The following FRMD5 variants were observed in gnomAD, a reference collection of about 807,000 sequenced individuals.
The protein encoded by FRMD5 is FERM domain containing 5, also known as FERM domain-containing protein 5.
Under a neutral mutation model 69.0 loss-of-function variants are expected in FRMD5, and 20 were observed. The ratio of observed to expected loss-of-function variants is 0.29; its 90% CI spans 0.20 to 0.42. The LOEUF (loss-of-function observed/expected upper bound fraction) is 0.42. Ranked by LOEUF, FRMD5 falls within the 10% of genes least tolerant of loss-of-function variation. The pLI is 1.00. For missense variants in FRMD5, 595 were observed against 708.6 expected (o/e 0.84, Z 1.82); for synonymous variants, 271 against 260.1 (o/e 1.04, Z -0.40).
At chr15:43,928,614 G>A (rs1274177209) in intron 1 of FRMD5, among the ~76,000 whole-genome samples, 1 of 152,164 alleles carries the variant, frequency 6.6e-6, no homozygotes, top group African/African-American at 2.4e-5. Context: ...TGCCAGCTGC[G>A]TCCTGGGATA....
chr15:43,876,324 CCT>C, intron 13 of FRMD5: 1 of 985,910 alleles, frequency 1.0e-6, no homozygotes, highest in Admixed American at 2.0e-5. Flanking sequence ...CCAAACTACC[CCT>C]GATGCAGAGC....
chr15:43,881,279 G>A (rs142551453), intron 13 of FRMD5, among the ~76,000 whole-genome samples: 1 of 152,138 alleles, frequency 6.6e-6, no homozygotes. Context: ...GCCACAGAGG[G>A]GAGAAAGTTA....
intron 1 of FRMD5, among the ~76,000 whole-genome samples, chr15:44,035,906 G>A (rs1301476985): frequency 1.3e-5 from 2 of 152,120 alleles, no homozygotes; most frequent in Non-Finnish European, 2.9e-5. Context: ...ATTTTGTCCT[G>A]AAGCCAACTA....
intron 1 of FRMD5, among the ~76,000 whole-genome samples, chr15:44,042,088 G>C (rs1892221760): frequency 6.6e-6 from 1 of 152,098 alleles, no homozygotes; most frequent in Non-Finnish European, 1.5e-5. Context: ...AATAAAAAAT[G>C]ATAAAGGGGA....
chr15:43,892,103 C>G (rs778564642), intron 7 of FRMD5, 34 bp from the exon 8 acceptor site: 1 of 1,588,746 alleles, frequency 6.3e-7, no homozygotes, highest in Non-Finnish European at 8.6e-7. Context: ...TCGGGTGATG[C>G]AGGCACAGAG....
At chr15:43,939,592 CTG>C (rs1350526076) in intron 1 of FRMD5, among the ~76,000 whole-genome samples, 2 of 152,062 alleles carry the variant, frequency 1.3e-5, no homozygotes, top group Non-Finnish European at 2.9e-5. Flanking sequence ...GGTTCTCACT[CTG>C]TCACCCAGGC....
chr15:43,883,088 G>T (rs1057194389), intron 13 of FRMD5, among the ~76,000 whole-genome samples: 2 of 151,478 alleles, frequency 1.3e-5, no homozygotes, highest in South Asian at 2.1e-4. Flanking sequence ...GAGCCACTGC[G>T]CCAGCCCCTT....
At chr15:44,020,948 A>G (rs770171786) in intron 1 of FRMD5, among the ~76,000 whole-genome samples, 2 of 152,224 alleles carry the variant, frequency 1.3e-5, no homozygotes, top group African/African-American at 2.4e-5. Context: ...ATATCTCAAG[A>G]GAATAGATAA....
At chr15:43,995,946 A>G (rs536705055) in intron 1 of FRMD5, among the ~76,000 whole-genome samples, 1 of 151,966 alleles carries the variant, frequency 6.6e-6, no homozygotes, top group East Asian at 2.0e-4. Context: ...AACAGGGCTG[A>G]ACCCCAGAGC....
At chr15:43,908,240 A>G (rs2089216763) in intron 5 of FRMD5, among the ~76,000 whole-genome samples, 1 of 150,962 alleles carries the variant, frequency 6.6e-6, no homozygotes, top group Non-Finnish European at 1.5e-5. Flanking sequence ...AGGTGGGAGG[A>G]TCACTTGAAC....
intron 1 of FRMD5, among the ~76,000 whole-genome samples, chr15:43,955,290 C>A (rs1214225434): frequency 6.6e-6 from 1 of 152,210 alleles, no homozygotes; most frequent in African/African-American, 2.4e-5. Context: ...GAGACATGCA[C>A]AGTTATGTGC....
intron 1 of FRMD5, among the ~76,000 whole-genome samples, chr15:44,114,206 T>C (rs902270075): frequency 8.5e-5 from 13 of 152,294 alleles, no homozygotes; most frequent in Admixed American, 8.5e-4. Context: ...AGGAGGGGGT[T>C]ATAAAAAGAA....
At chr15:44,080,158 A>C (rs144631152) in intron 1 of FRMD5, among the ~76,000 whole-genome samples, 5 of 152,250 alleles carry the variant, frequency 3.3e-5, no homozygotes. Context: ...TGAGGCTATA[A>C]AGGAATAAGA....
At chr15:43,884,022 A>C (rs1420025929) in intron 12 of FRMD5, among the ~76,000 whole-genome samples, 2 of 151,846 alleles carry the variant, frequency 1.3e-5, no homozygotes, top group Admixed American at 6.6e-5. Context: ...GTAACCCTAG[A>C]CTCATCTGAA....
At chr15:44,033,586 T>C (rs1891780549) in intron 1 of FRMD5, among the ~76,000 whole-genome samples, 1 of 152,238 alleles carries the variant, frequency 6.6e-6, no homozygotes, top group African/African-American at 2.4e-5. Flanking sequence ...TTGTTTACAC[T>C]TGCTTTGTAA....
In FRMD5 at chr15:43,996,943, T is replaced by C. The variant is rs550514385; in HGVS notation, c.103-72634A>G. ...ACCTTGGCTATATATTAGAATCATG[T>C]GGGGGGCTTTTAAAAAAATGATACA... On this transcript the variant is annotated intron_variant, in intron 1 of 13. Coordinates refer to ENST00000417257, the MANE Select transcript of FRMD5 (RefSeq NM_032892.5). Among the ~76,000 whole-genome samples, 9 of 152,194 alleles carry C rather than the reference T, an allele frequency of 5.9e-5. No homozygotes were observed. In the South Asian group the frequency reaches 1.9e-3, roughly 32 times the overall value.
chr15:43,879,907 GCCA>G (rs2088477013), intron 13 of FRMD5: 1 of 358,328 alleles, frequency 2.8e-6, no homozygotes, highest in African/African-American at 2.1e-5. Flanking sequence ...GCTCTGAGAG[GCCA>G]CCGTTATCAG....
chr15:44,046,106 G>T (rs549127169), intron 1 of FRMD5, among the ~76,000 whole-genome samples: 1 of 152,128 alleles, frequency 6.6e-6, no homozygotes. Flanking sequence ...ACCCTGGACA[G>T]AGTACATACT....
chr15:44,075,467 T>G (rs1243759467), intron 1 of FRMD5, among the ~76,000 whole-genome samples: 1 of 152,162 alleles, frequency 6.6e-6, no homozygotes, highest in Non-Finnish European at 1.5e-5. Context: ...AAGTTTCCCC[T>G]CTTAATTTAA....
Sources: gnomAD v4.1 joint callset for allele counts (sites outside exome capture counted in the v4.1 genomes callset) on GRCh38, gnomAD v4.1.1 for gene constraint, MANE v1.5 for transcripts, NCBI Gene and HGNC (gene_info 2026-07-23, HGNC 2026-07-21) for gene names.